The following PHF14 variants were observed in gnomAD, a reference collection of about 807,000 sequenced individuals.
PHF14 encodes the protein PHD finger protein 14.
PHF14 carries 55 observed loss-of-function variants against 117.9 expected under a neutral mutation model. The ratio of observed to expected loss-of-function variants is 0.47; its 90% CI spans 0.38 to 0.58. PHF14 has a LOEUF of 0.58. Ranked by LOEUF, PHF14 falls within the 20% of genes least tolerant of loss-of-function variation. The probability of loss-of-function intolerance (pLI) is 0.00; values close to 1 mark genes in which losing one functional copy is unlikely to be tolerated. For missense variants in PHF14, 978 were observed against 1,122.2 expected, an observed-to-expected ratio of 0.87 and a Z score of 1.84; for synonymous variants, 409 against 368.6, an observed-to-expected ratio of 1.11 and a Z score of -1.26.
chr7:11,119,014 C>A (rs544545634), intron 17 of PHF14, among the ~76,000 whole-genome samples: 1 of 151,726 alleles, frequency 6.6e-6, no homozygotes, highest in Non-Finnish European at 1.5e-5. Flanking sequence ...AAAAACTAAG[C>A]CACTTTCTAA....
intron 16 of PHF14, among the ~76,000 whole-genome samples, chr7:11,094,699 A>AT (rs1786778557): frequency 6.6e-6 from 1 of 152,152 alleles, no homozygotes; most frequent in Non-Finnish European, 1.5e-5. Context: ...CTGTACTCTG[A>AT]TATTAGCCAA....
chr7:11,013,725 A>T (rs769413443), intron 4 of PHF14, 22 bp from the exon 5 acceptor site: 4 of 1,383,342 alleles, frequency 2.9e-6, no homozygotes, highest in Non-Finnish European at 4.0e-6. Context: ...CTATTTAATC[A>T]TAGTGTTTTT....
chr7:11,063,097 A>G, intron 16 of PHF14: 4 of 917,442 alleles, frequency 4.4e-6, no homozygotes, highest in Non-Finnish European at 3.9e-6. Context: ...AAAGAAAGGC[A>G]TGAAGTCTTA....
chr7:10,984,511 G>T (rs573869111), intron 3 of PHF14, among the ~76,000 whole-genome samples: 6 of 152,216 alleles, frequency 3.9e-5, no homozygotes, highest in South Asian at 2.1e-4. Flanking sequence ...CTAATTGTTT[G>T]TATTTAATTG....
At position 10,974,083 on chromosome 7, in the gene PHF14, C is replaced by T; in HGVS notation, c.-241C>T. Reference sequence around the variant, plus strand: ...CGCTGCCTGGGCCGGAGGTCTTCTCCGGCCAGGGAGCGCTGTGGGAAGGGG... The same window carrying T: ...CGCTGCCTGGGCCGGAGGTCTTCTCTGGCCAGGGAGCGCTGTGGGAAGGGG... On this transcript the variant is annotated 5_prime_UTR_variant, in exon 1 of 18. Transcript: ENST00000634607. The T allele has an allele frequency of 6.1e-6, 3 of 489,622 alleles. No individual in the cohort carries two copies. Among genetic ancestry groups the T allele is most frequent in the Non-Finnish European group, 1.1e-5 (3 of 271,990 alleles). The allele number at this position is 489,622 out of a possible 1,614,324, so 30.3% of individuals were successfully genotyped here.
At chr7:11,043,242 C>G (rs1784555387) in intron 13 of PHF14, among the ~76,000 whole-genome samples, 1 of 151,572 alleles carries the variant, frequency 6.6e-6, no homozygotes, top group African/African-American at 2.4e-5. Flanking sequence ...CATTTAAATT[C>G]AACCATTCTT....
At chr7:11,137,624 T>C (rs1179497448) in intron 17 of PHF14, among the ~76,000 whole-genome samples, 2 of 148,524 alleles carry the variant, frequency 1.3e-5, no homozygotes, top group Non-Finnish European at 3.0e-5. Flanking sequence ...AGACGGAGTT[T>C]TGCTCTTGTT....
In PHF14 at chr7:10,982,355, TC is replaced by T; in HGVS notation, c.113-16del. On this transcript the variant is annotated splice_polypyrimidine_tract_variant and intron_variant, in intron 2 of 17. Transcript: ENST00000634607. ...ATATACATATGTGTGGTTTTTTTTT[TC>T]TCATATTTTCAACAGATTCTGAAGG... 2.0e-6 allele frequency: 3 copies of T among 1,510,298 alleles called. No individual in the cohort carries two copies. The highest frequency in any genetic ancestry group is 2.7e-6 in the Non-Finnish European group (3 of 1,131,390). The allele number at this position is 1,510,298 out of a possible 1,614,324, so 93.6% of individuals were successfully genotyped here. A position where few individuals can be genotyped will look rare whatever the true frequency, so the allele number is the denominator to read the frequency against.
intron 12 of PHF14, among the ~76,000 whole-genome samples, chr7:11,041,142 G>A (rs1187275098): frequency 6.6e-6 from 1 of 151,992 alleles, no homozygotes; most frequent in Non-Finnish European, 1.5e-5. Flanking sequence ...TATCATATAT[G>A]TATATATATA....
intron 5 of PHF14, among the ~76,000 whole-genome samples, chr7:11,022,214 A>C (rs1783760378): frequency 6.6e-6 from 1 of 152,160 alleles, no homozygotes; most frequent in Non-Finnish European, 1.5e-5. Context: ...AACTTTAATA[A>C]ATATTTATAT....
intron 13 of PHF14, among the ~76,000 whole-genome samples, chr7:11,050,323 C>T (rs1784816929): frequency 6.6e-6 from 1 of 152,086 alleles, no homozygotes; most frequent in Admixed American, 6.5e-5. Flanking sequence ...TACAATTTTA[C>T]AGATTATAAT....
At chr7:10,981,426 G>A (rs1315316245) in intron 2 of PHF14, among the ~76,000 whole-genome samples, 4 of 152,242 alleles carry the variant, frequency 2.6e-5, no homozygotes, top group South Asian at 2.1e-4. Flanking sequence ...GGTACAAAAA[G>A]AATGATTACT....
intron 17 of PHF14, among the ~76,000 whole-genome samples, chr7:11,134,876 A>G (rs991787174): frequency 1.3e-5 from 2 of 152,100 alleles, no homozygotes; most frequent in Non-Finnish European, 2.9e-5. Flanking sequence ...CAACATATAG[A>G]CCACCAAGTA....
intron 4 of PHF14, among the ~76,000 whole-genome samples, chr7:10,999,642 C>T (rs1782788914): frequency 6.6e-6 from 1 of 152,224 alleles, no homozygotes; most frequent in South Asian, 2.1e-4. Context: ...ATTAGTTCCA[C>T]TGACATGCTT....
chr7:10,977,196 T>C (rs117539992), intron 2 of PHF14, among the ~76,000 whole-genome samples: 3,043 of 152,140 alleles, frequency 0.02, 42 homozygotes, highest in Middle Eastern at 0.044. Flanking sequence ...AAGTTGTGGA[T>C]TCCCAGCCCT....
intron 16 of PHF14, chr7:11,109,576 AT>A (rs1242770311): frequency 1.3e-5 from 2 of 151,904 alleles, no homozygotes; most frequent in Non-Finnish European, 2.9e-5. Context: ...GAAGGTTTCT[AT>A]ATCCATAGGT....
At chr7:11,168,023 A>C (rs1035036005) in intron 17 of PHF14, among the ~76,000 whole-genome samples, 2 of 151,654 alleles carry the variant, frequency 1.3e-5, no homozygotes, top group Non-Finnish European at 2.9e-5. Flanking sequence ...CCGTCTCAAA[A>C]AAAAAAAAAA....
At chr7:10,997,165 A>T (rs560752157) in intron 4 of PHF14, among the ~76,000 whole-genome samples, 1 of 152,348 alleles carries the variant, frequency 6.6e-6, no homozygotes, top group Admixed American at 6.5e-5. Flanking sequence ...ATACACATAT[A>T]AGTTTTATTG....
chr7:11,132,170 A>T (rs969515918), intron 17 of PHF14, among the ~76,000 whole-genome samples: 1 of 151,748 alleles, frequency 6.6e-6, no homozygotes, highest in Non-Finnish European at 1.5e-5. Context: ...GCATACCTGT[A>T]GCCCTCATAT....
Sources: gnomAD v4.1 joint callset for allele counts (sites outside exome capture counted in the v4.1 genomes callset) on GRCh38, gnomAD v4.1.1 for gene constraint, MANE v1.5 for transcripts, NCBI Gene and HGNC (gene_info 2026-07-23, HGNC 2026-07-21) for gene names.